Variants in CCDC146 observed in about 807,000 individuals in gnomAD.
CCDC146 encodes coiled-coil domain-containing protein 146.
A neutral mutation model predicts 119.3 loss-of-function variants in CCDC146; 92 were observed. The observed-to-expected ratio is 0.77, with a 90% CI of 0.65 to 0.92. The LOEUF is 0.92. Among genes scored for constraint, CCDC146 ranks in the 40% least tolerant of loss-of-function variants. CCDC146 has a pLI of 0.00. For synonymous variants in CCDC146, 372 were observed against 371.8 expected, an observed-to-expected ratio of 1.00 and a Z score of -0.01; for missense variants, 1,000 against 1,103.0, an observed-to-expected ratio of 0.91 and a Z score of 1.32.
At chr7:77,164,309 A>G (rs1014093291) in intron 1 of CCDC146, among the ~76,000 whole-genome samples, 1 of 152,184 alleles carries the variant, frequency 6.6e-6, no homozygotes, top group Non-Finnish European at 1.5e-5. Flanking sequence ...AAATTTAAAT[A>G]TATAGCCAAA....
At position 77,241,353 on chromosome 7, in the gene CCDC146, G is replaced by A. The variant is rs1197206753; in HGVS notation, c.240-338G>A. ...ATTACAGGCATGAGCCATCGCGCCC[G>A]GCCACGTTGACAGTTTTAAGAGTGC... On this transcript the variant is annotated intron_variant, in intron 3 of 18. Transcript: ENST00000285871. Among the ~76,000 whole-genome samples the A allele has an allele frequency of 8.4e-5, 8 of 95,106 alleles. 3 individuals are homozygous for A. Among genetic ancestry groups the A allele is most frequent in the Admixed American group, 2.1e-4 (2 of 9,606 alleles). 62.4% of individuals were successfully genotyped at this position (95,106 alleles called of 152,430 possible).
At chr7:77,201,621 T>C (rs998655214) in intron 2 of CCDC146, among the ~76,000 whole-genome samples, 4 of 151,432 alleles carry the variant, frequency 2.6e-5, no homozygotes, top group Non-Finnish European at 4.4e-5. Flanking sequence ...AAAAATGCAG[T>C]GTATAAATGT....
intron 16 of CCDC146, 80 bp from the exon 17 acceptor site, chr7:77,287,360 G>A: frequency 6.9e-7 from 1 of 1,451,052 alleles, no homozygotes; most frequent in African/African-American, 1.4e-5. Context: ...GGTAGGGGGA[G>A]ATACTGCTCT....
At chr7:77,260,424 T>C (rs1793271175) in intron 8 of CCDC146, among the ~76,000 whole-genome samples, 188 bp downstream of exon 8, 1 of 152,234 alleles carries the variant, frequency 6.6e-6, no homozygotes, top group South Asian at 2.1e-4. Flanking sequence ...ACTCAAATTT[T>C]CTCAATTTTC....
intron 4 of CCDC146, among the ~76,000 whole-genome samples, chr7:77,251,006 T>C (rs919602084): frequency 1.2e-4 from 18 of 149,758 alleles, no homozygotes; most frequent in African/African-American, 4.5e-4. Flanking sequence ...TGTGTGTGTG[T>C]GTGTGTGTGT....
At chr7:77,133,280 T>G (rs1330017727) in intron 1 of CCDC146, among the ~76,000 whole-genome samples, 1 of 152,202 alleles carries the variant, frequency 6.6e-6, no homozygotes, top group Non-Finnish European at 1.5e-5. Context: ...TGTGAAAAAT[T>G]TACACTTAGT....
At chr7:77,267,368 C>T (rs1793426452) in intron 9 of CCDC146, among the ~76,000 whole-genome samples, 1 of 152,068 alleles carries the variant, frequency 6.6e-6, no homozygotes, top group Admixed American at 6.6e-5. Context: ...TGATGTCTGC[C>T]CCAGGCATAG....
intron 1 of CCDC146, among the ~76,000 whole-genome samples, chr7:77,131,280 A>T (rs1790782247): frequency 6.6e-6 from 1 of 152,054 alleles, no homozygotes; most frequent in Non-Finnish European, 1.5e-5. Context: ...ATTATCAAAG[A>T]CTATTTACAA....
At chr7:77,288,802 CTG>C (rs1277980658) in intron 17 of CCDC146, among the ~76,000 whole-genome samples, 2 of 152,206 alleles carry the variant, frequency 1.3e-5, no homozygotes, top group Non-Finnish European at 2.9e-5. Context: ...ACACCAGAGA[CTG>C]TGGGCTCCTG....
intron 13 of CCDC146, among the ~76,000 whole-genome samples, chr7:77,279,527 G>T (rs1406629986): frequency 1.3e-5 from 2 of 152,152 alleles, no homozygotes; most frequent in African/African-American, 4.8e-5. Flanking sequence ...CAAATCGTTT[G>T]TTAACCAACA....
At chr7:77,206,664 TATATATATAC>T (rs1345265734) in intron 2 of CCDC146, among the ~76,000 whole-genome samples, 14 of 140,620 alleles carry the variant, frequency 1.0e-4, no homozygotes, top group African/African-American at 4.0e-4. Context: ...TATATATATA[TATATATATAC>T]ACACACACAC....
In CCDC146 at chr7:77,282,683, G is replaced by A. The variant is rs780566772; in HGVS notation, c.2046G>A (p.Leu682=). 8.7e-6 allele frequency: 14 copies of A among 1,613,956 alleles called. No individual in the cohort carries two copies. The East Asian group carries it at 1.8e-4, about 21-fold the overall frequency. ...TACTGGAAGAAAAGATCCAATTCCT[G>A]AAAATGAAGATTGCTGAGAAGCAAA... The part of the protein sequence containing the change: ...IHLLEEKIQF[L]KMKIAEKQRQ... Residue 682 remains leucine (L), a synonymous_variant, in exon 15 of 19, where the codon CTG becomes CTA. Transcript: ENST00000285871.
Position 77,259,057 on chromosome 7 carries a change from A to T in CCDC146, c.747A>T (p.Thr249=). Residue 249 remains threonine, a synonymous_variant, in exon 7 of 19, where the codon ACA becomes ACT. Coordinates refer to ENST00000285871, the MANE Select transcript of CCDC146 (RefSeq NM_020879.3). The stretch of plus-strand genomic sequence containing the variant: ...TTGGAAAAGAGATAGAAAAAATAAC[A>T]CGCAAAAAAGTGTATGATTTAATAT... ...VQIGKEIEKI[T]RKKVEMEKKK... is the part of the protein sequence containing the mutation. 6.2e-7 allele frequency: 1 copy of T among 1,604,326 alleles called. No individual in the cohort carries two copies. The highest frequency in any genetic ancestry group is 8.5e-7 in the Non-Finnish European group (1 of 1,171,936).
At position 77,294,994 on chromosome 7, in the gene CCDC146, A is replaced by C. The variant is rs1218437226; in HGVS notation, c.*128A>C. On this transcript the variant is annotated 3_prime_UTR_variant, in exon 19 of 19. Transcript: ENST00000285871. Reference sequence around the variant, plus strand: ...AGTAAGGTAACCACAATTAGTCAGCAACAGAGTACAACAGGGTTTCTATTT... The same window carrying C: ...AGTAAGGTAACCACAATTAGTCAGCCACAGAGTACAACAGGGTTTCTATTT... The C allele has an allele frequency of 1.4e-6, 1 of 693,602 alleles. No individual in the cohort carries two copies. The highest frequency in any genetic ancestry group is 2.4e-6 in the Non-Finnish European group (1 of 419,988). The allele number at this position is 693,602 out of a possible 1,614,324, so 43.0% of individuals were successfully genotyped here.
chr7:77,293,608 C>T (rs1793992549), intron 18 of CCDC146, among the ~76,000 whole-genome samples: 1 of 152,234 alleles, frequency 6.6e-6, no homozygotes, highest in Non-Finnish European at 1.5e-5. Context: ...AGTGAGGCCT[C>T]CACCCACATT....
intron 1 of CCDC146, among the ~76,000 whole-genome samples, chr7:77,141,325 G>T (rs539950963): frequency 7.2e-5 from 11 of 152,104 alleles, no homozygotes; most frequent in African/African-American, 2.7e-4. Context: ...TCACTGATGG[G>T]CATTTGGGTT....
chr7:77,273,788 A>T lies in CCDC146; in HGVS notation c.1268A>T (p.Gln423Leu), dbSNP rs567238375. Residue 423 changes from glutamine to leucine, a missense_variant and splice_region_variant, in exon 10 of 19, where the codon CAG (glutamine) becomes CTG (leucine). Coordinates refer to ENST00000285871, the MANE Select transcript of CCDC146 (RefSeq NM_020879.3). ...VEVAKRNLAQ[Q>L]KIISEMESKL... is the part of the protein sequence containing the mutation. ...GTAGCTAAGAGGAATTTGGCCCAAC[A>T]GGTTAATATCAATGCTCATTTAAGC... The T allele has an allele frequency of 5.6e-6, 9 of 1,595,576 alleles. No individual in the cohort carries two copies. The highest frequency in any genetic ancestry group is 5.0e-5 in the Admixed American group (3 of 59,758).
intron 2 of CCDC146, among the ~76,000 whole-genome samples, chr7:77,207,644 G>A (rs1470358677): frequency 6.6e-6 from 1 of 152,140 alleles, no homozygotes; most frequent in East Asian, 1.9e-4. Flanking sequence ...GAGCCTTAGG[G>A]TGGTAGTCAT....
intron 13 of CCDC146, among the ~76,000 whole-genome samples, chr7:77,280,201 G>T (rs1025481248): frequency 1.3e-5 from 2 of 151,914 alleles, no homozygotes; most frequent in African/African-American, 4.8e-5. Context: ...ACATTGGGGG[G>T]AAAAGGAAAG....
Sources: allele counts gnomAD v4.1 joint callset (sites outside exome capture counted in the v4.1 genomes callset), GRCh38; gene constraint gnomAD v4.1.1; transcripts MANE v1.5; gene names NCBI Gene and HGNC (gene_info 2026-07-23, HGNC 2026-07-21).